Variants in ADGRV1 observed in about 807,000 individuals in gnomAD.
ADGRV1 encodes the protein G-protein coupled receptor 98.
ADGRV1 carries 359 observed loss-of-function variants against 596.2 expected under a neutral mutation model. The observed-to-expected ratio is 0.60, with a 90% confidence interval of 0.55 to 0.66. ADGRV1 has a LOEUF of 0.66. ADGRV1 is among the 30% of genes least tolerant of loss of function. The pLI, the probability that ADGRV1 is intolerant of heterozygous loss-of-function variation, is 0.00. For missense variants in ADGRV1, 7,274 were observed against 7,575.6 expected, an observed-to-expected ratio of 0.96 and a Z score of 1.48; for synonymous variants, 2,681 against 2,679.2, an observed-to-expected ratio of 1.00 and a Z score of -0.02.
chr5:90,676,661 G>C (rs547420953), intron 25 of ADGRV1: 1 of 156,270 alleles, frequency 6.4e-6, no homozygotes, highest in African/African-American at 2.4e-5. Context: ...CGTGCTTTTA[G>C]AGTGAAAAGT....
chr5:90,863,825 A>G lies in ADGRV1; in HGVS notation c.17824A>G (p.Thr5942Ala). Residue 5942 changes from threonine to alanine, a missense_variant, in exon 83 of 90, where the codon ACT (threonine) becomes GCT (alanine). Thr to Ala is a moderately conservative substitution (Grantham distance 58, BLOSUM62 0). Transcript: ENST00000405460. ...RYSMFAAKLL[T>A]HMMAASLGTQ... is the part of the protein sequence containing the mutation. ...CTCCATGTTTGCAGCTAAACTTCTG[A>G]CTCACATGATGGCAGCCAGCTTAGG... is the stretch of plus-strand genomic sequence containing the variant. 3 of 1,613,304 alleles carry G rather than the reference A, an allele frequency of 1.9e-6. No homozygotes were observed. The highest frequency in any genetic ancestry group is 2.5e-6 in the Non-Finnish European group (3 of 1,179,424).
rs371983265 is a variant in ADGRV1, at chr5:90,774,203, C to G, written c.12303C>G (p.Thr4101=). The G allele has an allele frequency of 1.9e-6, 3 of 1,603,418 alleles. No individual in the cohort carries two copies. Among genetic ancestry groups the G allele is most frequent in the Non-Finnish European group, 2.6e-6 (3 of 1,172,270 alleles). Residue 4101 remains threonine (T), a synonymous_variant, in exon 60 of 90, where the codon ACC becomes ACG. Transcript: ENST00000405460. The part of the protein sequence containing the change: ...LHFDETESQK[T]IVLHTLQDTV... Reference sequence around the variant, plus strand: ...GGATGTAGACTGAGTCCCAGAAGACCATTGTGTTGCACACACTTCAAGACA... The same window carrying G: ...GGATGTAGACTGAGTCCCAGAAGACGATTGTGTTGCACACACTTCAAGACA...
chr5:91,147,402 C>T (rs376603561), intron 87 of ADGRV1, among the ~76,000 whole-genome samples: 2 of 152,236 alleles, frequency 1.3e-5, no homozygotes, highest in East Asian at 1.9e-4. Context: ...ACCCAAATCT[C>T]GCCTTGGATT....
At chr5:90,838,946 G>A (rs752889107) in intron 77 of ADGRV1, among the ~76,000 whole-genome samples, 1 of 152,094 alleles carries the variant, frequency 6.6e-6, no homozygotes, top group Admixed American at 6.5e-5. Context: ...TTCTACTCAT[G>A]TGTATTTCTA....
chr5:90,848,152 A>C (rs1766108615), intron 78 of ADGRV1, among the ~76,000 whole-genome samples: 1 of 152,222 alleles, frequency 6.6e-6, no homozygotes, highest in South Asian at 2.1e-4. Flanking sequence ...AATCTTGAAA[A>C]GGATTTTCTC....
At chr5:90,921,286 G>A (rs1371136609) in intron 83 of ADGRV1, among the ~76,000 whole-genome samples, 1 of 151,508 alleles carries the variant, frequency 6.6e-6, no homozygotes, top group East Asian at 1.9e-4. Context: ...TTTGTTTTTT[G>A]TTTCATCATT....
intron 85 of ADGRV1, among the ~76,000 whole-genome samples, chr5:91,027,156 C>CACACACAT (rs1400592778): frequency 6.9e-6 from 1 of 143,908 alleles, no homozygotes; most frequent in Non-Finnish European, 1.5e-5. Context: ...CACACACACA[C>CACACACAT]ACACACACAC....
chr5:90,853,208 C>A, intron 79 of ADGRV1, 76 bp from the exon 80 acceptor site: 1 of 1,360,014 alleles, frequency 7.4e-7, no homozygotes, highest in Non-Finnish European at 1.0e-6. Context: ...AAGTGTAATG[C>A]ACTTTAACAA....
At chr5:91,048,900 C>A (rs1442507418) in intron 85 of ADGRV1, among the ~76,000 whole-genome samples, 2 of 152,126 alleles carry the variant, frequency 1.3e-5, no homozygotes, top group African/African-American at 4.8e-5. Context: ...TTAGGCAACA[C>A]TAACAGAAGT....
intron 86 of ADGRV1, among the ~76,000 whole-genome samples, chr5:91,089,281 G>A (rs16869425): frequency 2.6e-5 from 4 of 151,886 alleles, no homozygotes; most frequent in African/African-American, 9.7e-5. Flanking sequence ...TACAGCTGTT[G>A]GGAAATACCA....
At chr5:90,614,579 A>G in intron 1 of ADGRV1, 1 of 403,576 alleles carries the variant, frequency 2.5e-6, no homozygotes, top group South Asian at 2.5e-5. Flanking sequence ...TTTAACTTAC[A>G]GCTATTATCT....
At chr5:91,005,817 C>G (rs1354977716) in intron 85 of ADGRV1, among the ~76,000 whole-genome samples, 1 of 152,092 alleles carries the variant, frequency 6.6e-6, no homozygotes, top group Non-Finnish European at 1.5e-5. Context: ...ATTGCAATAG[C>G]CTCAAAACCA....
intron 1 of ADGRV1, among the ~76,000 whole-genome samples, chr5:90,604,354 T>C (rs748210205): frequency 6.6e-6 from 1 of 152,170 alleles, no homozygotes; most frequent in Non-Finnish European, 1.5e-5. Flanking sequence ...AGCACCTAGA[T>C]TCTTCAATAA....
chr5:90,683,546 ATC>A (rs1458578942), intron 27 of ADGRV1, 38 bp from the exon 28 acceptor site: 7 of 1,463,576 alleles, frequency 4.8e-6, no homozygotes, highest in Non-Finnish European at 6.4e-6. Flanking sequence ...ACTGGCTTTA[ATC>A]TCTCTTTTAA....
intron 60 of ADGRV1, 69 bp downstream of exon 60, chr5:90,774,372 G>A (rs371199564): frequency 4.5e-5 from 39 of 871,268 alleles, no homozygotes; most frequent in African/African-American, 3.4e-4. Flanking sequence ...AAAATAACCC[G>A]TAGTTACAAA....
At chr5:90,865,868 C>G (rs1181904893) in intron 83 of ADGRV1, among the ~76,000 whole-genome samples, 1 of 152,056 alleles carries the variant, frequency 6.6e-6, no homozygotes, top group Non-Finnish European at 1.5e-5. Context: ...GTTTATAGCT[C>G]CAGTTATAGA....
At chr5:90,722,076 T>G (rs1184053471) in intron 45 of ADGRV1, among the ~76,000 whole-genome samples, 1 of 152,194 alleles carries the variant, frequency 6.6e-6, no homozygotes, top group Non-Finnish European at 1.5e-5. Context: ...AGTTACCATA[T>G]GTAATGTGGT....
chr5:90,684,766 G>A (rs1037437041), intron 28 of ADGRV1, among the ~76,000 whole-genome samples: 1 of 152,130 alleles, frequency 6.6e-6, no homozygotes, highest in African/African-American at 2.4e-5. Context: ...ACTGGGATTA[G>A]GATTTAAATG....
chr5:91,054,732 C>A (rs756647385), intron 85 of ADGRV1, among the ~76,000 whole-genome samples: 2 of 152,132 alleles, frequency 1.3e-5, no homozygotes, highest in East Asian at 3.9e-4. Context: ...AATCACTCCC[C>A]CAAAGCCCTT....
Sources: allele counts gnomAD v4.1 joint callset (sites outside exome capture counted in the v4.1 genomes callset), GRCh38; gene constraint gnomAD v4.1.1; transcripts MANE v1.5; gene names NCBI Gene and HGNC (gene_info 2026-07-23, HGNC 2026-07-21).